The following RCBTB1 variants were observed in gnomAD, a reference collection of about 807,000 sequenced individuals.
The protein encoded by RCBTB1 is RCC1 and BTB domain containing protein 1.
In RCBTB1, 46 loss-of-function variants were observed where a neutral mutation model predicts 62.4. The ratio of observed to expected loss-of-function variants is 0.74; its 90% confidence interval spans 0.58 to 0.94. RCBTB1 has a LOEUF of 0.94. RCBTB1 is among the 40% of genes least tolerant of loss of function. The pLI is 0.00. For missense variants in RCBTB1, 565 were observed against 654.9 expected (o/e 0.86, Z 1.50); for synonymous variants, 222 against 245.8 (o/e 0.90, Z 0.91).
At chr13:49,575,503 C>G (rs1015066370) in intron 2 of RCBTB1, among the ~76,000 whole-genome samples, 1 of 149,970 alleles carries the variant, frequency 6.7e-6, no homozygotes, top group Non-Finnish European at 1.5e-5. Flanking sequence ...ATGGAATCAA[C>G]CTAGGTGCCC....
At chr13:49,546,347 G>A (rs1282897391) in intron 9 of RCBTB1, 1 of 985,178 alleles carries the variant, frequency 1.0e-6, no homozygotes, top group African/African-American at 1.7e-5. Context: ...AAACACTTTT[G>A]ACTTTCAGTG....
At chr13:49,583,411 T>C (rs549430240) in intron 1 of RCBTB1, among the ~76,000 whole-genome samples, 63 of 151,372 alleles carry the variant, frequency 4.2e-4, no homozygotes, top group African/African-American at 1.1e-3. Context: ...TGTGTGTGTG[T>C]GTTTTAAATG....
intron 2 of RCBTB1, among the ~76,000 whole-genome samples, chr13:49,570,473 G>A (rs1319683936): frequency 6.6e-6 from 1 of 152,222 alleles, no homozygotes; most frequent in Non-Finnish European, 1.5e-5. Flanking sequence ...AACAGGCTTG[G>A]TAGGGTGGTA....
rs1963106547 is a variant in RCBTB1 at position 49,567,503 on chromosome 13, G to GGACTTTCCTACAAGAGAAT, written c.-41-202_-41-184dup. Among the ~76,000 whole-genome samples, 5 of 152,240 alleles carry GGACTTTCCTACAAGAGAAT rather than the reference G, an allele frequency of 3.3e-5. No homozygotes were observed. The South Asian group carries it at 1.0e-3, about 32-fold the overall frequency. On this transcript the variant is annotated intron_variant, in intron 2 of 12. Transcript: ENST00000378302. ...AATCCCTCCTCCACCTTCAAACCCC[G>GGACTTTCCTACAAGAGAAT]GACTTTCCTACAAGAGAATAACGTG...
At chr13:49,576,077 C>T (rs1319344371) in intron 2 of RCBTB1, among the ~76,000 whole-genome samples, 1 of 146,394 alleles carries the variant, frequency 6.8e-6, no homozygotes, top group Non-Finnish European at 1.5e-5. Flanking sequence ...GTCCCAGCTA[C>T]TCGGGAGGCT....
chr13:49,558,803 G>A (rs1456073671), intron 5 of RCBTB1, among the ~76,000 whole-genome samples: 5 of 151,730 alleles, frequency 3.3e-5, no homozygotes, highest in South Asian at 2.1e-4. Flanking sequence ...ATTTGTGATC[G>A]TTTGCTTTTG....
rs2139095115 is a variant in RCBTB1, at chr13:49,531,961, C to T, written c.*2161G>A. Reference sequence around the variant, plus strand: ...ACTCTATGTGCCTGTTTTAATGTTACTTTGTTTATTAACATGTCGTTCTAA... The same window carrying T: ...ACTCTATGTGCCTGTTTTAATGTTATTTTGTTTATTAACATGTCGTTCTAA... On this transcript the variant is annotated 3_prime_UTR_variant, in exon 13 of 13. Coordinates refer to ENST00000378302, the MANE Select transcript of RCBTB1 (RefSeq NM_018191.4). 6.5e-6 allele frequency: 1 copy of T among 152,688 alleles called. No homozygotes were observed. The highest frequency in any genetic ancestry group is 2.4e-5 in the African/African-American group (1 of 41,542). The allele number at this position is 152,688 out of a possible 1,614,324, so 9.5% of individuals were successfully genotyped here.
intron 5 of RCBTB1, among the ~76,000 whole-genome samples, chr13:49,556,033 G>C (rs1961832383): frequency 6.6e-6 from 1 of 152,120 alleles, no homozygotes; most frequent in Non-Finnish European, 1.5e-5. Flanking sequence ...ATTTGTGTGT[G>C]TGTGTATACA....
intron 2 of RCBTB1, among the ~76,000 whole-genome samples, chr13:49,571,707 G>A (rs567862913): frequency 2.6e-5 from 4 of 152,194 alleles, no homozygotes; most frequent in African/African-American, 7.2e-5. Context: ...TTGGGCGCGT[G>A]GCATTTCCCT....
chr13:49,567,404 A>T, intron 2 of RCBTB1, 84 bp from the exon 3 acceptor site: 1 of 957,332 alleles, frequency 1.0e-6, no homozygotes, highest in Non-Finnish European at 1.5e-6. Context: ...ATAAATACTA[A>T]CAAAAGCTGA....
At chr13:49,541,919 A>T (rs1335444134) in intron 10 of RCBTB1, 92 bp from the exon 11 acceptor site, 1 of 1,413,496 alleles carries the variant, frequency 7.1e-7, no homozygotes, top group East Asian at 2.5e-5. Flanking sequence ...AATCAGATAA[A>T]CAGAAGTATC....
In RCBTB1 at chr13:49,544,797, T is replaced by C. The variant is rs2139148528; in HGVS notation, c.1112A>G (p.Asp371Gly). The change falls in exon 10 of 13, where the codon GAT (aspartate) becomes GGT (glycine). Residue 371 changes from aspartate to glycine, a missense_variant. By Grantham distance (94) the Asp-to-Gly change is moderately conservative. Transcript: ENST00000378302. ...TTTTCCATCAATTCGAAACTTCAGA[T>C]CAGCAGTTTCTGGACTATCAAATTC... ...KKEFDSPETADLKFRIDGKYI... is the reference protein window; with the variant it reads ...KKEFDSPETAGLKFRIDGKYI... 1.2e-6 allele frequency: 2 copies of C among 1,611,900 alleles called. No individual in the cohort carries two copies.
chr13:49,556,513 A>G (rs1335178842), intron 5 of RCBTB1, among the ~76,000 whole-genome samples: 1 of 152,140 alleles, frequency 6.6e-6, no homozygotes, highest in Non-Finnish European at 1.5e-5. Flanking sequence ...TCTAAACAAG[A>G]CTATAAACAG....
chr13:49,534,216 T>G lies in RCBTB1; in HGVS notation c.1502A>C (p.Glu501Ala). 1.2e-6 allele frequency: 2 copies of G among 1,614,126 alleles called. No homozygotes were observed. Among genetic ancestry groups the G allele is most frequent in the Non-Finnish European group, 1.7e-6 (2 of 1,179,990 alleles). ...CFKFCINHLT[E>A]VTQTAAFWQM... ...CCAAAATGCTGCAGTCTGTGTAACT[T>G]CTGTCAAATGATTGATGCAAAACTT... The change falls in exon 13 of 13, where the codon GAA (glutamate) becomes GCA (alanine). Residue 501 changes from glutamate to alanine, a missense_variant. Transcript: ENST00000378302.
chr13:49,550,478 G>C (rs1961236213), intron 8 of RCBTB1: 2 of 952,456 alleles, frequency 2.1e-6, no homozygotes, highest in Middle Eastern at 5.4e-4. Context: ...CAGGACATAG[G>C]AGGTAAGACC....
At chr13:49,550,907 G>A (rs778686937) in intron 8 of RCBTB1, among the ~76,000 whole-genome samples, 7 of 152,246 alleles carry the variant, frequency 4.6e-5, no homozygotes, top group Non-Finnish European at 1.0e-4. Context: ...TTCAAGACCA[G>A]CCTGGCCAAC....
At chr13:49,544,704 G>A in intron 10 of RCBTB1, 33 bp downstream of exon 10, 1 of 1,567,060 alleles carries the variant, frequency 6.4e-7, no homozygotes, top group Non-Finnish European at 8.7e-7. Context: ...GAAAAGTCAA[G>A]TTATTGATGT....
In RCBTB1 at chr13:49,578,073, T is replaced by C. The variant is rs116344821; in HGVS notation, c.-42+2432A>G. 6.3e-3 allele frequency among the ~76,000 whole-genome samples: 956 copies of C among 152,328 alleles called. 6 individuals are homozygous for C. The highest frequency in any genetic ancestry group is 0.02 in the African/African-American group (844 of 41,582). ...AAAAAAGTACTATTGTATGCTAATG[T>C]GAACAAAATCCAGTTGTCCCTCAGT... On this transcript the variant is annotated intron_variant, in intron 2 of 12. Coordinates refer to ENST00000378302, the MANE Select transcript of RCBTB1 (RefSeq NM_018191.4).
intron 1 of RCBTB1, among the ~76,000 whole-genome samples, chr13:49,582,744 C>A (rs1022361842): frequency 6.6e-6 from 1 of 152,170 alleles, no homozygotes; most frequent in Non-Finnish European, 1.5e-5. Flanking sequence ...TGTATTATAC[C>A]CATCCTAGTG....
Sources: allele counts gnomAD v4.1 joint callset (sites outside exome capture counted in the v4.1 genomes callset), GRCh38; gene constraint gnomAD v4.1.1; transcripts MANE v1.5; gene names NCBI Gene and HGNC (gene_info 2026-07-23, HGNC 2026-07-21).